The following PTDSS1 variants were observed in gnomAD, a reference collection of about 807,000 sequenced individuals.
PTDSS1 encodes the protein phosphatidylserine synthase 1, also known as PSS-1.
Under a neutral mutation model 70.5 loss-of-function variants are expected in PTDSS1, and 45 were observed. The ratio of observed to expected loss-of-function variants is 0.64; its 90% CI spans 0.50 to 0.82. The LOEUF (loss-of-function observed/expected upper bound fraction) is 0.82, where lower values mean the gene tolerates loss of function less well. PTDSS1 is among the 40% of genes least tolerant of loss of function. The probability of loss-of-function intolerance (pLI) is 0.00; values close to 1 mark genes in which losing one functional copy is unlikely to be tolerated. For synonymous variants in PTDSS1, 188 were observed against 203.8 expected (o/e 0.92, Z 0.66); for missense variants, 417 against 586.1 (o/e 0.71, Z 2.98).
chr8:96,307,562 T>C lies in PTDSS1; in HGVS notation c.1007+1006T>C, dbSNP rs183260378. 2.1e-3 allele frequency among the ~76,000 whole-genome samples: 323 copies of C among 152,190 alleles called. 3 individuals carry two copies. The highest frequency in any genetic ancestry group is 7.3e-3 in the African/African-American group (304 of 41,540). ...AGCCTAACATTCCCATCTGTTCTTT[T>C]TGTTATGACCAAAATGGAAAAGAAG... On this transcript the variant is annotated intron_variant, in intron 8 of 12. Coordinates refer to ENST00000517309, the MANE Select transcript of PTDSS1 (RefSeq NM_014754.3).
At chr8:96,322,440 G>C (rs1483053619) in intron 10 of PTDSS1, among the ~76,000 whole-genome samples, 1 of 152,074 alleles carries the variant, frequency 6.6e-6, no homozygotes, top group Non-Finnish European at 1.5e-5. Context: ...GCAGGAGGTG[G>C]GCCGGACTTA....
intron 1 of PTDSS1, among the ~76,000 whole-genome samples, chr8:96,265,908 A>C (rs1331580333): frequency 6.6e-6 from 1 of 152,270 alleles, no homozygotes; most frequent in East Asian, 1.9e-4. Flanking sequence ...CCTGGCTAAC[A>C]TAGCAAGACC....
chr8:96,295,042 G>A (rs753889898), intron 4 of PTDSS1, 56 bp from the exon 5 acceptor site: 35 of 1,499,050 alleles, frequency 2.3e-5, no homozygotes, highest in Non-Finnish European at 3.1e-5. Flanking sequence ...GCAGAATCCT[G>A]GAAGCAAGTT....
chr8:96,269,547 G>C (rs930275243), intron 1 of PTDSS1, among the ~76,000 whole-genome samples: 1 of 152,152 alleles, frequency 6.6e-6, no homozygotes, highest in African/African-American at 2.4e-5. Flanking sequence ...CCTTAGGCCA[G>C]GAAGAGTCAA....
intron 4 of PTDSS1, among the ~76,000 whole-genome samples, chr8:96,293,763 C>T (rs778656924): frequency 2.0e-4 from 30 of 152,200 alleles, no homozygotes; most frequent in Non-Finnish European, 3.8e-4. Context: ...TAAGAGCAGC[C>T]TTCTAAAAAC....
intron 10 of PTDSS1, among the ~76,000 whole-genome samples, chr8:96,324,785 G>A (rs1811416819): frequency 6.6e-6 from 1 of 152,228 alleles, no homozygotes. Flanking sequence ...CAGTCACTCA[G>A]ACTGTAGGGA....
Position 96,307,449 on chromosome 8 carries a change from CAAAAAAAAAAAAAAAAA to C in PTDSS1, c.1007+907_1007+923del, listed in dbSNP as rs56284473. On this transcript the variant is annotated intron_variant, in intron 8 of 12. Coordinates refer to ENST00000517309, the MANE Select transcript of PTDSS1 (RefSeq NM_014754.3). ...TCTTCTTGTCATCATTCAATATTAC[CAAAAAAAAAAAAAAAAA>C]AAAAAAAAAAAAACCTCCAGATCCT... Among the ~76,000 whole-genome samples, 4 of 50,656 alleles carry C rather than the reference CAAAAAAAAAAAAAAAAA, an allele frequency of 7.9e-5. No homozygotes were observed. In the East Asian group the frequency reaches 2.5e-3, roughly 32 times the overall value. The allele number at this position is 50,656 out of a possible 152,430, so 33.2% of individuals were successfully genotyped here.
At chr8:96,280,060 G>A (rs539267165) in intron 2 of PTDSS1, among the ~76,000 whole-genome samples, 18 of 152,178 alleles carry the variant, frequency 1.2e-4, no homozygotes, top group Non-Finnish European at 2.1e-4. Flanking sequence ...TCCCTAAGGT[G>A]AAGTCCTGTG....
chr8:96,284,190 T>G, intron 3 of PTDSS1, 37 bp downstream of exon 3: 1 of 1,526,520 alleles, frequency 6.6e-7, no homozygotes, highest in Non-Finnish European at 9.0e-7. Context: ...GATGTTCTAT[T>G]TTTTTAATCT....
At chr8:96,293,451 G>C (rs546818381) in intron 4 of PTDSS1, among the ~76,000 whole-genome samples, 1 of 151,878 alleles carries the variant, frequency 6.6e-6, no homozygotes, top group Admixed American at 6.5e-5. Flanking sequence ...CTGTCCACTT[G>C]ACCCCCTTTC....
chr8:96,328,611 C>T (rs1438645356), intron 10 of PTDSS1, among the ~76,000 whole-genome samples: 1 of 152,222 alleles, frequency 6.6e-6, no homozygotes, highest in African/African-American at 2.4e-5. Flanking sequence ...TCTCTCCACG[C>T]TGCCACTGTT....
Position 96,262,290 on chromosome 8 carries a change from A to AGGGGGGGGTGGGGTGGGGGGGGGGGG in PTDSS1, c.179+77_179+78insGGTGGGGTGGGGGGGGGGGGGGGGGG. 2 of 387,408 alleles carry AGGGGGGGGTGGGGTGGGGGGGGGGGG rather than the reference A, an allele frequency of 5.2e-6. No homozygotes were observed. The highest frequency in any genetic ancestry group is 2.4e-5 in the African/African-American group (1 of 42,336). The allele number at this position is 387,408 out of a possible 1,614,324, so 24.0% of individuals were successfully genotyped here. On this transcript the variant is annotated intron_variant, in intron 1 of 12. Coordinates refer to ENST00000517309, the MANE Select transcript of PTDSS1 (RefSeq NM_014754.3). The surrounding 1 kb of genome is among the most constrained non-coding windows in gnomAD (Gnocchi z 4.4). ...AGAGGCGGGAGGGAGGGTGGCGGGGAGGGGGGCCCGGCATGGCTCTGGGTG... is the reference window on the plus strand; with the variant it reads ...AGAGGCGGGAGGGAGGGTGGCGGGGAGGGGGGGGTGGGGTGGGGGGGGGGGGGGGGGGCCCGGCATGGCTCTGGGTG...
At chr8:96,328,197 T>C (rs528260517) in intron 10 of PTDSS1, among the ~76,000 whole-genome samples, 5 of 151,988 alleles carry the variant, frequency 3.3e-5, no homozygotes. Context: ...GCAATGACAG[T>C]CTAGTTGAGG....
intron 12 of PTDSS1, among the ~76,000 whole-genome samples, chr8:96,331,521 T>G (rs1262603698): frequency 6.6e-5 from 10 of 150,606 alleles, no homozygotes; most frequent in African/African-American, 2.4e-4. Context: ...AGAGTAAGAC[T>G]CTGTCTCAAA....
intron 2 of PTDSS1, among the ~76,000 whole-genome samples, chr8:96,274,619 C>T (rs777248639): frequency 6.6e-6 from 1 of 152,026 alleles, no homozygotes; most frequent in African/African-American, 2.4e-5. Context: ...CAGCTACTCG[C>T]GAAGCTGAGG....
At chr8:96,301,889 TGAG>T (rs1251311372) in intron 6 of PTDSS1, among the ~76,000 whole-genome samples, 2 of 152,232 alleles carry the variant, frequency 1.3e-5, no homozygotes, top group Non-Finnish European at 2.9e-5. Context: ...GTATATGATG[TGAG>T]GAGGAGATTT....
In PTDSS1 at chr8:96,283,683, G is replaced by A. The variant is rs757219192; in HGVS notation, c.272-426G>A. The A allele has an allele frequency of 2.4e-5, 4 of 163,434 alleles. No homozygotes were observed. The South Asian group carries it at 6.9e-4, about 28-fold the overall frequency. 10.1% of individuals were successfully genotyped at this position (163,434 alleles called of 1,614,324 possible). ...CACACGCATGCACCCACATGCAAAC[G>A]CACACACATGATGATGACTGTGCTG... On this transcript the variant is annotated intron_variant, in intron 2 of 12. Transcript: ENST00000517309.
intron 9 of PTDSS1, among the ~76,000 whole-genome samples, chr8:96,319,942 C>T (rs142114546): frequency 1.5e-3 from 234 of 152,234 alleles, no homozygotes; most frequent in African/African-American, 5.4e-3. Flanking sequence ...GCAGAGGCGG[C>T]GTGATCACCC....
chr8:96,290,581 G>A (rs903332901), intron 4 of PTDSS1, among the ~76,000 whole-genome samples: 3 of 152,118 alleles, frequency 2.0e-5, no homozygotes, highest in African/African-American at 7.2e-5. Flanking sequence ...AGTTCTAACT[G>A]GTGCTAAAAC....
Sources: allele counts gnomAD v4.1 joint callset (sites outside exome capture counted in the v4.1 genomes callset), GRCh38; gene constraint gnomAD v4.1.1; non-coding constraint Gnocchi (gnomAD v3.1); transcripts MANE v1.5; gene names NCBI Gene and HGNC (gene_info 2026-07-23, HGNC 2026-07-21).